Variants in PCDH15 observed in about 807,000 individuals in gnomAD.
PCDH15 encodes the protein protocadherin related 15, also known as protocadherin-15.
PCDH15 carries 129 observed loss-of-function variants against 178.5 expected under a neutral mutation model. The observed-to-expected ratio is 0.72, with a 90% CI of 0.63 to 0.84. The LOEUF (loss-of-function observed/expected upper bound fraction) is 0.84. Among genes scored for constraint, PCDH15 ranks in the 40% least tolerant of loss-of-function variants. PCDH15 has a pLI of 0.00. For missense variants in PCDH15, 2,230 were observed against 2,099.9 expected (o/e 1.06, Z -1.21); for synonymous variants, 800 against 732.0 (o/e 1.09, Z -1.50).
At chr10:55,051,301 TA>T (rs1462209052) in intron 2 of PCDH15, among the ~76,000 whole-genome samples, 1 of 152,170 alleles carries the variant, frequency 6.6e-6, no homozygotes, top group African/African-American at 2.4e-5. Flanking sequence ...GAAATAGGTA[TA>T]GTCTCTAATG....
chr10:54,136,361 A>AT (rs767369027), intron 14 of PCDH15, among the ~76,000 whole-genome samples: 1 of 151,858 alleles, frequency 6.6e-6, no homozygotes, highest in Non-Finnish European at 1.5e-5. Flanking sequence ...AACGTCTTCA[A>AT]TAACCCTGGA....
chr10:54,555,736 C>CA (rs869032040), intron 2 of PCDH15, among the ~76,000 whole-genome samples: 1,708 of 72,806 alleles, frequency 0.023, 26 homozygotes, highest in Non-Finnish European at 0.031. Context: ...GACTCTGTCT[C>CA]AAAAAAAAAA....
intron 2 of PCDH15, among the ~76,000 whole-genome samples, chr10:55,529,814 C>T (rs544580346): frequency 7.9e-6 from 1 of 126,546 alleles, no homozygotes; most frequent in African/African-American, 2.9e-5. Flanking sequence ...TTTTGACAGT[C>T]CCTAAAAGTG....
In PCDH15 at chr10:55,129,076, T is replaced by C. The variant is rs559620267; in HGVS notation, c.-80+37500A>G. 7.2e-5 allele frequency among the ~76,000 whole-genome samples: 11 copies of C among 152,266 alleles called. No homozygotes were observed. The East Asian group carries it at 1.7e-3, about 24-fold the overall frequency. On this transcript the variant is annotated intron_variant, in intron 2 of 5. Transcript: ENST00000458638. ...GCTTGCACAATTAATAGTTCCTTTA[T>C]AGGATAGGATCTCTGAATTTAGGGA...
chr10:54,554,198 A>T (rs1315660440), intron 2 of PCDH15, among the ~76,000 whole-genome samples: 1 of 151,996 alleles, frequency 6.6e-6, no homozygotes, highest in Non-Finnish European at 1.5e-5. Flanking sequence ...CCATTTTCTC[A>T]CCTGGCCCCT....
intron 2 of PCDH15, among the ~76,000 whole-genome samples, chr10:55,460,758 G>A (rs1398707428): frequency 1.3e-5 from 2 of 151,932 alleles, no homozygotes; most frequent in South Asian, 2.1e-4. Context: ...CTCTTTGCAT[G>A]CCTATCTTGA....
chr10:55,233,326 C>T (rs1051325097), intron 1 of PCDH15, among the ~76,000 whole-genome samples: 8 of 152,042 alleles, frequency 5.3e-5, no homozygotes, highest in African/African-American at 1.9e-4. Context: ...AAACACTTTT[C>T]GGTGTATGTT....
At chr10:54,308,620 T>A (rs1015254992) in intron 8 of PCDH15, among the ~76,000 whole-genome samples, 1 of 152,094 alleles carries the variant, frequency 6.6e-6, no homozygotes, top group Admixed American at 6.6e-5. Flanking sequence ...TTTGCTTTCA[T>A]ATTACTTCAC....
intron 8 of PCDH15, among the ~76,000 whole-genome samples, chr10:54,247,475 G>A (rs1454823215): frequency 2.0e-5 from 3 of 151,932 alleles, no homozygotes; most frequent in African/African-American, 7.3e-5. Flanking sequence ...CTGAATTTCT[G>A]TAGGACATCT....
At chr10:54,407,327 G>A (rs901228458) in intron 3 of PCDH15, among the ~76,000 whole-genome samples, 22 of 151,926 alleles carry the variant, frequency 1.4e-4, no homozygotes, top group African/African-American at 4.1e-4. Flanking sequence ...TATAGTTAAC[G>A]TTGGTATATT....
intron 2 of PCDH15, among the ~76,000 whole-genome samples, chr10:55,114,302 T>C (rs1259661076): frequency 6.6e-6 from 1 of 152,206 alleles, no homozygotes; most frequent in African/African-American, 2.4e-5. Context: ...TGCTAGCCTT[T>C]GACTAATAAA....
intron 3 of PCDH15, among the ~76,000 whole-genome samples, chr10:54,435,948 C>A (rs1408496164): frequency 6.7e-6 from 1 of 149,882 alleles, no homozygotes; most frequent in Non-Finnish European, 1.5e-5. Context: ...CCAGCCTGGG[C>A]AACAGAGCGA....
intron 2 of PCDH15, among the ~76,000 whole-genome samples, chr10:54,622,651 AT>A (rs1164726058): frequency 1.3e-4 from 12 of 95,610 alleles, no homozygotes; most frequent in East Asian, 2.8e-4. Context: ...AATTATATAT[AT>A]ACTATATAAT....
At chr10:55,081,239 A>C (rs1213153668) in intron 2 of PCDH15, among the ~76,000 whole-genome samples, 1 of 151,970 alleles carries the variant, frequency 6.6e-6, no homozygotes, top group Non-Finnish European at 1.5e-5. Context: ...TCTCTTTTAG[A>C]TGTTCTAGTT....
chr10:54,380,705 CATATATATATATAT>C lies in PCDH15; in HGVS notation c.158-1777_158-1764del, dbSNP rs58171476. Among the ~76,000 whole-genome samples, 50 of 48,980 alleles carry C rather than the reference CATATATATATATAT, an allele frequency of 1.0e-3. 1 individual carries two copies. Among genetic ancestry groups the C allele is most frequent in the African/African-American group, 4.4e-3 (46 of 10,462 alleles). The allele number at this position is 48,980 out of a possible 152,430, so 32.1% of individuals were successfully genotyped here. ...ATATATGCTCCATATATATATGCTC[CATATATATATATAT>C]ATATATATATATATATATATATATA... On this transcript the variant is annotated intron_variant, in intron 3 of 37. Transcript: ENST00000644397.
intron 1 of PCDH15, among the ~76,000 whole-genome samples, chr10:54,706,519 T>G (rs551398712): frequency 4.7e-4 from 72 of 152,306 alleles, no homozygotes; most frequent in African/African-American, 1.6e-3. Flanking sequence ...TTTTTAGAAT[T>G]ATTTCCATGT....
chr10:53,819,829 T>C (rs12268404), intron 33 of PCDH15, among the ~76,000 whole-genome samples: 4,699 of 152,054 alleles, frequency 0.031, 244 homozygotes, highest in African/African-American at 0.11. Flanking sequence ...TTTTATAATG[T>C]ATCATAATGA....
At chr10:54,034,099 T>A (rs2093362960) in intron 18 of PCDH15, among the ~76,000 whole-genome samples, 1 of 151,958 alleles carries the variant, frequency 6.6e-6, no homozygotes. Context: ...CAATTAAATT[T>A]TCTGGATAAC....
chr10:55,611,671 T>TA (rs1431663796), intron 2 of PCDH15, among the ~76,000 whole-genome samples: 2 of 152,206 alleles, frequency 1.3e-5, no homozygotes, highest in Middle Eastern at 3.4e-3. Flanking sequence ...TCAAATGAGT[T>TA]AAAATCAGTA....
Sources: allele counts gnomAD v4.1 joint callset (sites outside exome capture counted in the v4.1 genomes callset), GRCh38; gene constraint gnomAD v4.1.1; transcripts MANE v1.5; gene names NCBI Gene and HGNC (gene_info 2026-07-23, HGNC 2026-07-21).